Variants in C9orf72 observed in about 807,000 individuals in gnomAD.
C9orf72 encodes guanine nucleotide exchange factor C9orf72.
Under a neutral mutation model 51.6 loss-of-function variants are expected in C9orf72, and 44 were observed. The observed-to-expected ratio is 0.85, with a 90% CI of 0.67 to 1.10. The LOEUF (loss-of-function observed/expected upper bound fraction) is 1.10, where lower values mean the gene tolerates loss of function less well. Among genes scored for constraint, C9orf72 ranks in the 50% least tolerant of loss-of-function variants. The pLI is 0.00. For synonymous variants in C9orf72, 213 were observed against 194.2 expected, an observed-to-expected ratio of 1.10 and a Z score of -0.81; for missense variants, 607 against 570.6, an observed-to-expected ratio of 1.06 and a Z score of -0.65.
intron 3 of C9orf72, among the ~76,000 whole-genome samples, chr9:27,563,733 G>T (rs1345081330): frequency 6.6e-6 from 1 of 151,834 alleles, no homozygotes; most frequent in East Asian, 1.9e-4. Context: ...TTTGCATAAT[G>T]CTGAAAGTTT....
chr9:27,566,752 G>A lies in C9orf72; in HGVS notation c.369C>T (p.Phe123=). The part of the protein sequence containing the change: ...SIILPQTELS[F]YLPLHRVCVD... ...CACACACTCTATGAAGTGGGAGGTA[G>A]AAACTAAGTTCTGTCTGTGGAAGTA... The change falls in exon 2 of 11, where the codon TTC becomes TTT. Residue 123 remains phenylalanine (F), a synonymous_variant. Coordinates refer to ENST00000380003, the MANE Select transcript of C9orf72 (RefSeq NM_018325.5). The A allele has an allele frequency of 6.2e-7, 1 of 1,613,788 alleles. No homozygotes were observed. Among genetic ancestry groups the A allele is most frequent in the Non-Finnish European group, 8.5e-7 (1 of 1,179,750 alleles).
At chr9:27,550,230 G>C (rs1012605084) in intron 9 of C9orf72, among the ~76,000 whole-genome samples, 1 of 150,028 alleles carries the variant, frequency 6.7e-6, no homozygotes, top group African/African-American at 2.5e-5. Flanking sequence ...TACATATATA[G>C]TACAAGCATT....
intron 1 of C9orf72, among the ~76,000 whole-genome samples, chr9:27,573,134 C>T (rs1038299356): frequency 2.0e-5 from 3 of 152,132 alleles, no homozygotes; most frequent in Non-Finnish European, 4.4e-5. Context: ...CCCAGCGGGT[C>T]CCCGGGAAGG....
At chr9:27,559,482 A>G (rs1819289731) in intron 6 of C9orf72, 1 of 152,010 alleles carries the variant, frequency 6.6e-6, no homozygotes, top group African/African-American at 2.4e-5. Flanking sequence ...AATATAAATT[A>G]AGGCTCATGT....
chr9:27,565,146 G>A (rs958870481), intron 3 of C9orf72, among the ~76,000 whole-genome samples: 2 of 152,110 alleles, frequency 1.3e-5, no homozygotes, highest in Non-Finnish European at 2.9e-5. Flanking sequence ...ACCCCAGACA[G>A]ATACCTCAGG....
At chr9:27,550,424 G>A (rs187746266) in intron 9 of C9orf72, among the ~76,000 whole-genome samples, 40 of 152,034 alleles carry the variant, frequency 2.6e-4, no homozygotes, top group African/African-American at 6.5e-4. Context: ...CTGAATTCCC[G>A]AAGCATAAAT....
intron 4 of C9orf72, 140 bp downstream of exon 4, chr9:27,562,241 G>T (rs1024990812): frequency 5.4e-6 from 2 of 369,390 alleles, no homozygotes; most frequent in Non-Finnish European, 9.5e-6. Flanking sequence ...GTGCTTATTT[G>T]CTAAAGTGGC....
At chr9:27,560,559 G>T in intron 5 of C9orf72, 2 of 738,380 alleles carry the variant, frequency 2.7e-6, no homozygotes, top group Non-Finnish European at 3.4e-6. Context: ...TTTATTTATT[G>T]AAATACCATC....
chr9:27,560,275 G>A lies in C9orf72; in HGVS notation c.690C>T (p.Thr230=). The A allele has an allele frequency of 6.2e-7, 1 of 1,610,288 alleles. No homozygotes were observed. The highest frequency in any genetic ancestry group is 8.5e-7 in the Non-Finnish European group (1 of 1,177,876). The change falls in exon 6 of 11, where the codon ACC becomes ACT. Residue 230 remains threonine, a synonymous_variant. Coordinates refer to ENST00000380003, the MANE Select transcript of C9orf72 (RefSeq NM_018325.5). ...TACCTACTACAACGGAACAGCCACA[G>A]GTTTGCAAGTGTGAGCTGATGGCAC... The part of the protein sequence containing the change: ...LLNAISSHLQ[T]CGCSVVVGSS...
chr9:27,567,309 C>G, intron 1 of C9orf72, 145 bp from the exon 2 acceptor site: 1 of 595,942 alleles, frequency 1.7e-6, no homozygotes, highest in Non-Finnish European at 3.0e-6. Flanking sequence ...TAAAGACATT[C>G]AACTAGCACA....
intron 1 of C9orf72, among the ~76,000 whole-genome samples, chr9:27,573,130 G>T (rs1819625796): frequency 6.6e-6 from 1 of 152,092 alleles, no homozygotes; most frequent in Non-Finnish European, 1.5e-5. Flanking sequence ...CGCTCCCAGC[G>T]GGTCCCCGGG....
chr9:27,570,777 G>C (rs910478716), intron 1 of C9orf72, among the ~76,000 whole-genome samples: 1 of 152,162 alleles, frequency 6.6e-6, no homozygotes, highest in Admixed American at 6.5e-5. Context: ...TGAGGCAGGA[G>C]AATCTCTTGA....
intron 9 of C9orf72, among the ~76,000 whole-genome samples, chr9:27,550,308 A>G (rs1043354821): frequency 3.6e-4 from 55 of 151,822 alleles, no homozygotes; most frequent in African/African-American, 1.3e-3. Flanking sequence ...ATACATGTAA[A>G]CCAGGAATTC....
At chr9:27,552,515 A>ATTTTTTT (rs71492751) in intron 8 of C9orf72, among the ~76,000 whole-genome samples, 171 of 105,614 alleles carry the variant, frequency 1.6e-3, no homozygotes, top group East Asian at 7.1e-3. Context: ...TACCAAGCTA[A>ATTTTTTT]TTTTTTTTTT....
At chr9:27,558,630 A>G in intron 6 of C9orf72, 23 bp from the exon 7 acceptor site, 1 of 1,284,114 alleles carries the variant, frequency 7.8e-7, no homozygotes, top group East Asian at 2.3e-5. Flanking sequence ...ATATTTTAGC[A>G]TTAAAACATG....
At chr9:27,571,227 C>T (rs1819579994) in intron 1 of C9orf72, 1 of 152,198 alleles carries the variant, frequency 6.6e-6, no homozygotes. Context: ...GTGGCTTGCT[C>T]ACAGGGTTCA....
chr9:27,561,168 G>A lies in C9orf72; in HGVS notation c.665+417C>T, dbSNP rs564985448. 72 of 832,860 alleles carry A rather than the reference G, an allele frequency of 8.6e-5. 1 individual carries two copies. In the Middle Eastern group the frequency reaches 1.8e-3, roughly 21 times the overall value. The allele number at this position is 832,860 out of a possible 1,614,324, so 51.6% of individuals were successfully genotyped here. On this transcript the variant is annotated intron_variant, in intron 5 of 10. Transcript: ENST00000380003. ...ATTAATCCAGGGAGTCTGGTTTAAG[G>A]GCACAAACTCTTAAGTACTAAACTC...
At chr9:27,572,245 A>G (rs970200766) in intron 1 of C9orf72, among the ~76,000 whole-genome samples, 1 of 152,190 alleles carries the variant, frequency 6.6e-6, no homozygotes. Flanking sequence ...CAGATGTACT[A>G]TCAGCATGTA....
At chr9:27,551,496 A>T (rs111952479) in intron 8 of C9orf72, among the ~76,000 whole-genome samples, 13 of 152,298 alleles carry the variant, frequency 8.5e-5, no homozygotes, top group African/African-American at 3.1e-4. Flanking sequence ...TAAGAGGAGG[A>T]GTTTTTAACT....
Sources: gnomAD v4.1 joint callset for allele counts (sites outside exome capture counted in the v4.1 genomes callset) on GRCh38, gnomAD v4.1.1 for gene constraint, MANE v1.5 for transcripts, NCBI Gene and HGNC (gene_info 2026-07-23, HGNC 2026-07-21) for gene names.